OLFM2: variants seen among roughly 807,000 people sequenced by gnomAD.
OLFM2 encodes noelin-2.
A neutral mutation model predicts 43.9 loss-of-function variants in OLFM2; 20 were observed. The observed-to-expected ratio is 0.46, with a 90% CI of 0.32 to 0.66. OLFM2 has a LOEUF of 0.66. Among genes scored for constraint, OLFM2 ranks in the 30% least tolerant of loss-of-function variants. OLFM2 has a pLI of 0.04. For synonymous variants in OLFM2, 268 were observed against 278.6 expected (o/e 0.96, Z 0.38); for missense variants, 416 against 643.6 (o/e 0.65, Z 3.83).
chr19:9,936,119 C>T (rs2086513085), intron 1 of OLFM2, among the ~76,000 whole-genome samples, 185 bp downstream of exon 1: 2 of 151,716 alleles, frequency 1.3e-5, no homozygotes, highest in Admixed American at 6.6e-5. Flanking sequence ...TTTGAAGCCC[C>T]CCTCGTCCTC....
intron 1 of OLFM2, among the ~76,000 whole-genome samples, chr19:9,868,904 C>T (rs935689372): frequency 4.0e-5 from 6 of 151,722 alleles, no homozygotes; most frequent in Non-Finnish European, 8.8e-5. Flanking sequence ...CCACTACACT[C>T]CAGCCTGCGT....
chr19:9,882,065 C>T (rs985699389), intron 1 of OLFM2, among the ~76,000 whole-genome samples: 1 of 151,790 alleles, frequency 6.6e-6, no homozygotes, highest in East Asian at 1.9e-4. Flanking sequence ...ACGGCAAAAC[C>T]TCATCTCTAC....
In OLFM2 at chr19:9,921,581, C is replaced by T. The variant is rs555534465; in HGVS notation, c.63+14723G>A. 3.9e-3 allele frequency among the ~76,000 whole-genome samples: 588 copies of T among 152,118 alleles called. 4 individuals are homozygous for T. The highest frequency in any genetic ancestry group is 0.013 in the African/African-American group (546 of 41,510). On this transcript the variant is annotated intron_variant, in intron 1 of 5. Transcript: ENST00000264833. Reference sequence around the variant, plus strand: ...TTGGCTTGCTGCAAGCTCTGCCTCCCGGGCTCATGCCATTCTCCTGCCTCG... The same window carrying T: ...TTGGCTTGCTGCAAGCTCTGCCTCCTGGGCTCATGCCATTCTCCTGCCTCG...
chr19:9,859,473 C>T (rs758781586), intron 2 of OLFM2, among the ~76,000 whole-genome samples: 2 of 152,178 alleles, frequency 1.3e-5, no homozygotes, highest in Non-Finnish European at 2.9e-5. Flanking sequence ...CACACCACCA[C>T]GCCCGGCTAA....
At position 9,891,124 on chromosome 19, in the gene OLFM2, G is replaced by C. The variant is rs186979604; in HGVS notation, c.64-30330C>G. On this transcript the variant is annotated intron_variant, in intron 1 of 5. Transcript: ENST00000264833. The stretch of plus-strand genomic sequence containing the variant: ...AGGTCAGGAGTTCAAGACCAGCCTG[G>C]TCAACATGGTGAAACCCAGTCTCTA... 2.1e-3 allele frequency among the ~76,000 whole-genome samples: 320 copies of C among 152,092 alleles called. 3 individuals are homozygous for C. The highest frequency in any genetic ancestry group is 0.019 in the Admixed American group (292 of 15,232).
At chr19:9,898,308 G>C (rs904816309) in intron 1 of OLFM2, among the ~76,000 whole-genome samples, 2 of 151,248 alleles carry the variant, frequency 1.3e-5, no homozygotes, top group East Asian at 2.0e-4. Context: ...GATCACCTGA[G>C]GTCAGGAGTT....
intron 1 of OLFM2, among the ~76,000 whole-genome samples, chr19:9,905,998 T>G (rs2046782954): frequency 6.6e-6 from 1 of 152,164 alleles, no homozygotes; most frequent in Non-Finnish European, 1.5e-5. Flanking sequence ...CAGACACAAC[T>G]GATGGCCATC....
At chr19:9,922,597 A>C (rs1472300602) in intron 1 of OLFM2, among the ~76,000 whole-genome samples, 2 of 152,098 alleles carry the variant, frequency 1.3e-5, no homozygotes, top group Non-Finnish European at 2.9e-5. Context: ...ACAATGCAAT[A>C]CTATTTGGCA....
intron 1 of OLFM2, among the ~76,000 whole-genome samples, chr19:9,880,791 C>T (rs1257329447): frequency 6.6e-6 from 1 of 152,084 alleles, no homozygotes; most frequent in South Asian, 2.1e-4. Flanking sequence ...GTTTAAGCCA[C>T]CCAGCCCAAA....
intron 1 of OLFM2, among the ~76,000 whole-genome samples, chr19:9,897,594 T>C (rs1441503099): frequency 2.0e-5 from 3 of 152,216 alleles, no homozygotes; most frequent in Non-Finnish European, 4.4e-5. Flanking sequence ...TCTGAGTGAC[T>C]TGGCCTGGCA....
In OLFM2 at chr19:9,857,048, A is replaced by G. The variant is rs2046324851; in HGVS notation, c.581-135T>C. 1.2e-6 allele frequency: 1 copy of G among 869,080 alleles called. No individual in the cohort carries two copies. The highest frequency in any genetic ancestry group is 1.7e-5 in the African/African-American group (1 of 60,008). The allele number at this position is 869,080 out of a possible 1,614,324, so 53.8% of individuals were successfully genotyped here. A position where few individuals can be genotyped will look rare whatever the true frequency, so the allele number is the denominator to read the frequency against. Reference sequence around the variant, plus strand: ...GGGAAGACTCAAAAATCTGGTCCCAATATGTTGTTCAGTTGTGAGTGAGGG... The same window carrying G: ...GGGAAGACTCAAAAATCTGGTCCCAGTATGTTGTTCAGTTGTGAGTGAGGG... On this transcript the variant is annotated intron_variant, in intron 4 of 5. Transcript: ENST00000264833. This position sits in a 1 kb window ranked among gnomAD's most constrained non-coding sequence, Gnocchi z 5.7.
At chr19:9,866,591 C>G (rs2046403603) in intron 1 of OLFM2, among the ~76,000 whole-genome samples, 1 of 150,468 alleles carries the variant, frequency 6.6e-6, no homozygotes, top group African/African-American at 2.4e-5. Context: ...CCTCAACTTC[C>G]CTGACTCAAG....
chr19:9,902,465 C>A (rs369390794), intron 1 of OLFM2, among the ~76,000 whole-genome samples: 1 of 151,428 alleles, frequency 6.6e-6, no homozygotes, highest in Non-Finnish European at 1.5e-5. Context: ...TCACTGCAAC[C>A]TCTGCCTTCT....
rs760171483 is a variant in OLFM2, at chr19:9,854,738, G to A, written c.813C>T (p.His271=). The change falls in exon 6 of 6, where the codon CAC becomes CAT. Residue 271 remains histidine, a synonymous_variant. Coordinates refer to ENST00000264833, the MANE Select transcript of OLFM2 (RefSeq NM_058164.4). This position sits in a 1 kb window ranked among gnomAD's most constrained non-coding sequence, Gnocchi z 9.5. ...AGAACAGGGAGCCGTTGTACACCAC[G>A]TGGCCCGTGCCCGCCCACGGCTGGG... The part of the protein sequence containing the change: ...LLPQPWAGTG[H]VVYNGSLFYN... The A allele has an allele frequency of 1.5e-5, 24 of 1,613,964 alleles. No homozygotes were observed. The highest frequency in any genetic ancestry group is 8.3e-5 in the Admixed American group (5 of 60,004).
At chr19:9,918,895 G>A (rs1266344280) in intron 1 of OLFM2, among the ~76,000 whole-genome samples, 2 of 152,168 alleles carry the variant, frequency 1.3e-5, no homozygotes, top group Non-Finnish European at 2.9e-5. Context: ...AATGGGCACG[G>A]GGGCTGTTTT....
At chr19:9,903,822 C>A (rs1033171571) in intron 1 of OLFM2, among the ~76,000 whole-genome samples, 2 of 152,180 alleles carry the variant, frequency 1.3e-5, no homozygotes, top group Non-Finnish European at 2.9e-5. Flanking sequence ...CAGCATCTAT[C>A]TGCAGAACCA....
chr19:9,854,509 T>C lies in OLFM2; in HGVS notation c.1042A>G (p.Ser348Gly). The C allele has an allele frequency of 8.7e-6, 14 of 1,613,888 alleles. No individual in the cohort carries two copies. Among genetic ancestry groups the C allele is most frequent in the Non-Finnish European group, 1.2e-5 (14 of 1,180,020 alleles). Reference protein sequence around the residue: ...TNQNAGNIVVSRLDPHTLEVM... With the variant: ...TNQNAGNIVVGRLDPHTLEVM... ...TCGAGGGTGTGCGGGTCCAGCCGGC[T>C]GACCACGATGTTGCCCGCGTTCTGG... The change falls in exon 6 of 6, where the codon AGC becomes GGC. Residue 348 changes from serine to glycine, a missense_variant. Ser to Gly is a moderately conservative substitution (Grantham distance 56, BLOSUM62 0). Coordinates refer to ENST00000264833, the MANE Select transcript of OLFM2 (RefSeq NM_058164.4). The surrounding 1 kb of genome is among the most constrained non-coding windows in gnomAD (Gnocchi z 9.5).
chr19:9,872,269 C>T (rs1179803924), intron 1 of OLFM2, among the ~76,000 whole-genome samples: 1 of 152,070 alleles, frequency 6.6e-6, no homozygotes, highest in Non-Finnish European at 1.5e-5. Flanking sequence ...CCCAGCACTT[C>T]GGGAGGCCAA....
intron 1 of OLFM2, among the ~76,000 whole-genome samples, chr19:9,873,561 T>A (rs949382881): frequency 6.6e-6 from 1 of 152,134 alleles, no homozygotes; most frequent in African/African-American, 2.4e-5. Context: ...CTCAAGCAGT[T>A]CTCTTGCTTC....
Sources: gnomAD v4.1 joint callset for allele counts (sites outside exome capture counted in the v4.1 genomes callset) on GRCh38, gnomAD v4.1.1 for gene constraint, Gnocchi (gnomAD v3.1) non-coding constraint, MANE v1.5 for transcripts, NCBI Gene and HGNC (gene_info 2026-07-23, HGNC 2026-07-21) for gene names.